Variants in ANO1 observed in about 807,000 individuals in gnomAD.
The protein encoded by ANO1 is anoctamin 1.
Under a neutral mutation model 124.0 loss-of-function variants are expected in ANO1, and 59 were observed. The ratio of observed to expected loss-of-function variants is 0.48; its 90% CI spans 0.39 to 0.59. ANO1 has a LOEUF of 0.59. Ranked by LOEUF, ANO1 falls within the 20% of genes least tolerant of loss-of-function variation. ANO1 has a pLI of 0.00. For missense variants in ANO1, 1,059 were observed against 1,328.0 expected (o/e 0.80, Z 3.15); for synonymous variants, 529 against 532.0 (o/e 0.99, Z 0.08).
intron 24 of ANO1, 141 bp downstream of exon 24, chr11:70,182,827 A>AT (rs60337840): frequency 1.2e-5 from 10 of 857,362 alleles, no homozygotes; most frequent in Admixed American, 3.6e-5. Flanking sequence ...AAAAAAAAAA[A>AT]GGCTGGTGCA....
chr11:70,031,218 G>A (rs1475134207), intron 1 of ANO1, among the ~76,000 whole-genome samples: 1 of 152,196 alleles, frequency 6.6e-6, no homozygotes, highest in Non-Finnish European at 1.5e-5. Context: ...GTGCTGGAAT[G>A]ACAGGTGTGA....
intron 19 of ANO1, among the ~76,000 whole-genome samples, chr11:70,164,643 C>G (rs1322531135): frequency 6.6e-6 from 1 of 152,176 alleles, no homozygotes; most frequent in African/African-American, 2.4e-5. Context: ...GTTCCCTTTG[C>G]TTGGACAAGT....
chr11:70,105,946 G>T (rs1039960338), intron 5 of ANO1, among the ~76,000 whole-genome samples, 158 bp downstream of exon 5: 3 of 152,112 alleles, frequency 2.0e-5, no homozygotes, highest in Admixed American at 2.0e-4. Flanking sequence ...GCAACGAGGG[G>T]CCCAGGGGAT....
intron 1 of ANO1, 73 bp from the exon 2 acceptor site, chr11:70,087,679 G>A (rs2044436948): frequency 7.3e-7 from 1 of 1,370,858 alleles, no homozygotes; most frequent in Non-Finnish European, 9.8e-7. Flanking sequence ...GTGGATGAAG[G>A]GAGCAGCGCA....
At position 70,126,091 on chromosome 11, in the gene ANO1, C is replaced by T. The variant is rs1372909942; in HGVS notation, c.993C>T (p.Tyr331=). ...ATTTTGGGGAGAAGATCGGCCTGTA[C>T]TTCGCCTGGCTGGGCGTGTACACCC... ...RKYFGEKIGL[Y]FAWLGVYTQM... The change falls in exon 10 of 26, where the codon TAC becomes TAT. Residue 331 remains tyrosine, a synonymous_variant. Coordinates refer to ENST00000355303, the MANE Select transcript of ANO1 (RefSeq NM_018043.7). 4.3e-6 allele frequency: 7 copies of T among 1,612,548 alleles called. No homozygotes were observed. The highest frequency in any genetic ancestry group is 5.1e-6 in the Non-Finnish European group (6 of 1,179,194).
At chr11:70,035,005 T>A (rs4980584) in intron 1 of ANO1, among the ~76,000 whole-genome samples, 1 of 151,726 alleles carries the variant, frequency 6.6e-6, no homozygotes, top group Non-Finnish European at 1.5e-5. Flanking sequence ...TGCAGCCAAG[T>A]GGGCTCCTAT....
At chr11:70,094,447 G>T (rs61887669) in intron 2 of ANO1, among the ~76,000 whole-genome samples, 43,237 of 152,140 alleles carry the variant, frequency 0.28, 7,508 homozygotes, top group East Asian at 0.44. Flanking sequence ...AGAATCGGGG[G>T]TGGGGGCCTG....
intron 11 of ANO1, among the ~76,000 whole-genome samples, chr11:70,136,907 C>T (rs965480756): frequency 4.1e-5 from 6 of 147,458 alleles, no homozygotes; most frequent in Admixed American, 7.1e-5. Flanking sequence ...TGGTGTAGGG[C>T]GTGAGTTCCA....
intron 1 of ANO1, among the ~76,000 whole-genome samples, chr11:70,055,834 T>C (rs1857424212): frequency 6.6e-6 from 1 of 152,136 alleles, no homozygotes. Flanking sequence ...ATTTCTTTAT[T>C]ATTGTTCAAT....
chr11:70,182,792 A>C, intron 24 of ANO1, 106 bp downstream of exon 24: 1 of 1,058,134 alleles, frequency 9.5e-7, no homozygotes, highest in Non-Finnish European at 1.3e-6. Context: ...AAACAACGCA[A>C]ACTTGCTTAA....
intron 20 of ANO1, among the ~76,000 whole-genome samples, chr11:70,166,576 A>T (rs1363563920): frequency 6.6e-6 from 1 of 152,036 alleles, no homozygotes; most frequent in East Asian, 1.9e-4. Context: ...GGGTCTCTGG[A>T]GTCAAGAACT....
In ANO1 at chr11:70,012,580, A is replaced by T. The variant is rs538815966; in HGVS notation, c.58+26414A>T. On this transcript the variant is annotated intron_variant, in intron 1 of 27. Coordinates refer to the ANO1 transcript ENST00000531349. Reference sequence around the variant, plus strand: ...GTTGTATCTATCTATCCATTCATTCATCTGGCAATCTATTCATTCACACAT... The same window carrying T: ...GTTGTATCTATCTATCCATTCATTCTTCTGGCAATCTATTCATTCACACAT... 2.5e-5 allele frequency among the ~76,000 whole-genome samples: 3 copies of T among 119,672 alleles called. No homozygotes were observed. The East Asian group carries it at 8.4e-4, about 33-fold the overall frequency. 78.5% of individuals were successfully genotyped at this position (119,672 alleles called of 152,430 possible). A position where few individuals can be genotyped will look rare whatever the true frequency, so the allele number is the denominator to read the frequency against.
intron 7 of ANO1, among the ~76,000 whole-genome samples, chr11:70,115,758 A>G (rs1173297995): frequency 6.6e-6 from 1 of 152,156 alleles, no homozygotes; most frequent in Non-Finnish European, 1.5e-5. Context: ...GGCTCACTGA[A>G]TGACAGTTAA....
upstream of ANO1, among the ~76,000 whole-genome samples, chr11:69,981,715 C>A (rs1258004478): frequency 2.0e-5 from 3 of 152,370 alleles, no homozygotes; most frequent in African/African-American, 7.2e-5. Flanking sequence ...TCTGCCCAGC[C>A]CCACCCCAGC....
intron 1 of ANO1, among the ~76,000 whole-genome samples, chr11:69,986,489 G>C (rs1177888492): frequency 6.6e-6 from 1 of 152,170 alleles, no homozygotes; most frequent in Non-Finnish European, 1.5e-5. Flanking sequence ...ACATCTGCTA[G>C]GCCGGCCCAG....
chr11:70,011,036 C>A (rs1252485548), intron 1 of ANO1, among the ~76,000 whole-genome samples: 1 of 152,184 alleles, frequency 6.6e-6, no homozygotes, highest in East Asian at 1.9e-4. Context: ...AAGGGATGTG[C>A]CCAGTGCCAT....
At chr11:70,051,395 A>G (rs1857347964) in intron 1 of ANO1, among the ~76,000 whole-genome samples, 1 of 152,224 alleles carries the variant, frequency 6.6e-6, no homozygotes, top group Non-Finnish European at 1.5e-5. Context: ...TTGGACTCCT[A>G]TGTAACAGTG....
chr11:70,103,023 T>C (rs2045338131), intron 2 of ANO1, 43 bp from the exon 3 acceptor site: 6 of 1,361,508 alleles, frequency 4.4e-6, no homozygotes, highest in Non-Finnish European at 6.0e-6. Context: ...TCCACAGAGA[T>C]GCACCGCCCC....
At chr11:70,099,589 T>C (rs2045175444) in intron 2 of ANO1, among the ~76,000 whole-genome samples, 1 of 152,196 alleles carries the variant, frequency 6.6e-6, no homozygotes, top group Non-Finnish European at 1.5e-5. Context: ...AAGTCAGTGC[T>C]GTTCCTGTGG....
Sources: allele counts gnomAD v4.1 joint callset (sites outside exome capture counted in the v4.1 genomes callset), GRCh38; gene constraint gnomAD v4.1.1; transcripts MANE v1.5; gene names NCBI Gene and HGNC (gene_info 2026-07-23, HGNC 2026-07-21).